Variants in GALNT1 observed in about 807,000 individuals in gnomAD.
The protein encoded by GALNT1 is polypeptide N-acetylgalactosaminyltransferase 1.
GALNT1 carries 17 observed loss-of-function variants against 65.7 expected under a neutral mutation model. The observed-to-expected ratio is 0.26, with a 90% CI of 0.18 to 0.39. The LOEUF is 0.39. Among genes scored for constraint, GALNT1 ranks in the 10% least tolerant of loss-of-function variants. The pLI, the probability that GALNT1 is intolerant of heterozygous loss-of-function variation, is 1.00. For missense variants in GALNT1, 460 were observed against 672.8 expected, an observed-to-expected ratio of 0.68 and a Z score of 3.50; for synonymous variants, 210 against 219.7, an observed-to-expected ratio of 0.96 and a Z score of 0.39.
intron 1 of GALNT1, among the ~76,000 whole-genome samples, chr18:35,618,499 C>T (rs924851973): frequency 2.2e-4 from 33 of 151,992 alleles, no homozygotes; most frequent in African/African-American, 7.7e-4. Context: ...TAAAGACAAA[C>T]ATGTGTAACT....
At chr18:35,588,791 T>C (rs1166084409) in intron 1 of GALNT1, among the ~76,000 whole-genome samples, 1 of 147,404 alleles carries the variant, frequency 6.8e-6, no homozygotes, top group Non-Finnish European at 1.5e-5. Flanking sequence ...AGGCTTTTTG[T>C]TTATTTATTC....
chr18:35,621,087 T>C (rs2046845204), intron 1 of GALNT1, among the ~76,000 whole-genome samples: 1 of 152,178 alleles, frequency 6.6e-6, no homozygotes. Context: ...TTATGTTGTC[T>C]TATATGTTCC....
At chr18:35,652,911 CA>C (rs1163608783) in intron 1 of GALNT1, among the ~76,000 whole-genome samples, 32 of 152,338 alleles carry the variant, frequency 2.1e-4, no homozygotes, top group Admixed American at 1.3e-3. Flanking sequence ...CGTAAAACCA[CA>C]TTTGAAATTC....
At chr18:35,686,390 T>A (rs1450809632) in intron 5 of GALNT1, among the ~76,000 whole-genome samples, 1 of 151,986 alleles carries the variant, frequency 6.6e-6, no homozygotes, top group Non-Finnish European at 1.5e-5. Flanking sequence ...AGAAAAAAAA[T>A]AGTTGGGATG....
chr18:35,694,049 A>G (rs986204736), intron 9 of GALNT1, among the ~76,000 whole-genome samples: 4 of 152,206 alleles, frequency 2.6e-5, no homozygotes, highest in Admixed American at 2.0e-4. Flanking sequence ...AGCTGTATCG[A>G]ATACTGCAGA....
At chr18:35,667,337 T>G (rs2047564381) in intron 3 of GALNT1, among the ~76,000 whole-genome samples, 1 of 152,202 alleles carries the variant, frequency 6.6e-6, no homozygotes, top group Non-Finnish European at 1.5e-5. Flanking sequence ...CCCGTGTGGT[T>G]TATGGCTTTT....
At chr18:35,600,593 T>C (rs1419456277) in intron 1 of GALNT1, among the ~76,000 whole-genome samples, 2 of 152,204 alleles carry the variant, frequency 1.3e-5, no homozygotes, top group African/African-American at 2.4e-5. Context: ...ATCCTTGTCT[T>C]GTTCCAGATC....
At chr18:35,645,037 C>T (rs763670456) in intron 1 of GALNT1, among the ~76,000 whole-genome samples, 6 of 151,736 alleles carry the variant, frequency 4.0e-5, no homozygotes, top group African/African-American at 1.5e-4. Context: ...TAAATCCATT[C>T]CCCAAAGCCT....
chr18:35,643,994 G>A (rs1187128803), intron 1 of GALNT1, among the ~76,000 whole-genome samples: 1 of 152,072 alleles, frequency 6.6e-6, no homozygotes, highest in Non-Finnish European at 1.5e-5. Context: ...ATTGGTGGAA[G>A]TCAGTTTGTC....
At chr18:35,595,706 T>C (rs2046496887) in intron 1 of GALNT1, among the ~76,000 whole-genome samples, 1 of 152,202 alleles carries the variant, frequency 6.6e-6, no homozygotes, top group Non-Finnish European at 1.5e-5. Flanking sequence ...GTGGCAATTT[T>C]TTTTTCTTAA....
chr18:35,603,411 G>T (rs537766524), intron 1 of GALNT1, among the ~76,000 whole-genome samples: 6 of 152,144 alleles, frequency 3.9e-5, no homozygotes, highest in African/African-American at 1.4e-4. Flanking sequence ...CAAGTTCTGG[G>T]GTATTGCTGG....
intron 9 of GALNT1, among the ~76,000 whole-genome samples, chr18:35,697,273 T>C (rs998681271): frequency 2.6e-5 from 4 of 152,054 alleles, no homozygotes; most frequent in African/African-American, 9.7e-5. Flanking sequence ...TGAGAAAGGG[T>C]TCTTATAGCA....
rs192703407 is a variant in GALNT1, at chr18:35,686,718, G to C, written c.690-298G>C. Among the ~76,000 whole-genome samples the C allele has an allele frequency of 3.4e-4, 52 of 152,080 alleles. No individual in the cohort carries two copies. In the East Asian group the frequency reaches 0.01, roughly 29 times the overall value. ...TAAAATCAGTCCCTTGAAGATTAAA[G>C]TCTTAAATATAAAAAACAAAAAAAA... On this transcript the variant is annotated intron_variant, in intron 5 of 11. Coordinates refer to ENST00000269195, the MANE Select transcript of GALNT1 (RefSeq NM_020474.4).
At chr18:35,649,388 G>T (rs1472720294) in intron 1 of GALNT1, among the ~76,000 whole-genome samples, 1 of 152,080 alleles carries the variant, frequency 6.6e-6, no homozygotes. Context: ...TATTTTATTG[G>T]ATTGTTTGTT....
rs1360988624 is a variant in GALNT1, at chr18:35,703,581, C to G, written c.1471C>G (p.Pro491Ala). 2 of 1,613,798 alleles carry G rather than the reference C, an allele frequency of 1.2e-6. No homozygotes were observed. Among genetic ancestry groups the G allele is most frequent in the East Asian group, 4.5e-5 (2 of 44,850 alleles). The change falls in exon 11 of 12, where the codon CCA becomes GCA. Residue 491 changes from proline to alanine, a missense_variant. By Grantham distance (27) the Pro-to-Ala change is conservative. Transcript: ENST00000269195. ...CTTGGATGTTTCCAAACTTAATGGCCCAGTTACAATGCTCAAATGCCACCA... is the reference window on the plus strand; with the variant it reads ...CTTGGATGTTTCCAAACTTAATGGCGCAGTTACAATGCTCAAATGCCACCA... ...LCLDVSKLNG[P>A]VTMLKCHHLK...
chr18:35,595,620 T>C (rs1209528299), intron 1 of GALNT1, among the ~76,000 whole-genome samples: 1 of 152,230 alleles, frequency 6.6e-6, no homozygotes. Flanking sequence ...TCTCACCTGA[T>C]GTTAACATGT....
At chr18:35,633,895 T>C (rs898014265) in intron 1 of GALNT1, among the ~76,000 whole-genome samples, 1 of 152,182 alleles carries the variant, frequency 6.6e-6, no homozygotes, top group Admixed American at 6.6e-5. Flanking sequence ...TGAAAGATAC[T>C]TGTTATATAG....
intron 1 of GALNT1, among the ~76,000 whole-genome samples, chr18:35,612,856 ACT>A (rs1351650569): frequency 1.4e-5 from 2 of 148,122 alleles, no homozygotes; most frequent in Non-Finnish European, 3.0e-5. Context: ...CAAGAATGAA[ACT>A]CTGTCTCAAA....
At chr18:35,642,206 G>A (rs1179306743) in intron 1 of GALNT1, among the ~76,000 whole-genome samples, 1 of 152,128 alleles carries the variant, frequency 6.6e-6, no homozygotes, top group Admixed American at 6.6e-5. Flanking sequence ...TTGTAATAAC[G>A]GAAACCTAGA....
Sources: allele counts gnomAD v4.1 joint callset (sites outside exome capture counted in the v4.1 genomes callset), GRCh38; gene constraint gnomAD v4.1.1; transcripts MANE v1.5; gene names NCBI Gene and HGNC (gene_info 2026-07-23, HGNC 2026-07-21).